The following USP4 variants were observed in gnomAD, a reference collection of about 807,000 sequenced individuals.
USP4 encodes ubiquitin specific peptidase 4.
In USP4, 72 loss-of-function variants were observed where a neutral mutation model predicts 118.2. The observed-to-expected ratio is 0.61, with a 90% CI of 0.50 to 0.74. USP4 has a LOEUF of 0.74. Among genes scored for constraint, USP4 ranks in the 30% least tolerant of loss-of-function variants. The pLI is 0.00. For missense variants in USP4, 1,037 were observed against 1,185.7 expected (o/e 0.87, Z 1.84); for synonymous variants, 415 against 440.4 (o/e 0.94, Z 0.72).
chr3:49,336,819 G>T (rs530464852), intron 1 of USP4, among the ~76,000 whole-genome samples: 2 of 152,110 alleles, frequency 1.3e-5, no homozygotes, highest in African/African-American at 4.8e-5. Context: ...ACCGCACCCG[G>T]CCACAAGTCA....
At chr3:49,292,627 A>C in intron 14 of USP4, 29 bp from the exon 15 acceptor site, 1 of 1,464,656 alleles carries the variant, frequency 6.8e-7, no homozygotes, top group Non-Finnish European at 9.2e-7. Context: ...AGAAGAAAAA[A>C]AAGATTGTTA....
Position 49,280,860 on chromosome 3 carries a change from C to A in USP4, c.2541-13G>T. The A allele has an allele frequency of 6.2e-7, 1 of 1,611,456 alleles. No homozygotes were observed. Among genetic ancestry groups the A allele is most frequent in the Non-Finnish European group, 8.5e-7 (1 of 1,178,076 alleles). ...CATGTTCAGCCCTCTGAGCACAAAA[C>A]ACAAAAATAGTTATTGAATATGTTA... On this transcript the variant is annotated splice_polypyrimidine_tract_variant and intron_variant, in intron 19 of 21. Transcript: ENST00000265560.
At chr3:49,317,582 C>T (rs1559476048) in intron 6 of USP4, 2 of 601,208 alleles carry the variant, frequency 3.3e-6, no homozygotes, top group African/African-American at 1.9e-5. Context: ...TACTCTGTTG[C>T]CCAGCCTGGA....
chr3:49,304,870 TCTC>T (rs1272663281), intron 9 of USP4, among the ~76,000 whole-genome samples: 2 of 151,682 alleles, frequency 1.3e-5, no homozygotes, highest in Non-Finnish European at 2.9e-5. Flanking sequence ...TTCAAGCAAT[TCTC>T]CTGCCTCAGC....
intron 6 of USP4, among the ~76,000 whole-genome samples, chr3:49,320,013 C>T (rs2047482520): frequency 1.3e-5 from 2 of 151,812 alleles, no homozygotes; most frequent in South Asian, 2.1e-4. Flanking sequence ...AACTCCTGTG[C>T]TCAAGGGATC....
chr3:49,281,491 T>TATATACAC (rs1242949530), intron 19 of USP4, among the ~76,000 whole-genome samples: 83 of 126,538 alleles, frequency 6.6e-4, no homozygotes, highest in African/African-American at 2.4e-3. Context: ...TATATATATA[T>TATATACAC]ACACACACAC....
chr3:49,286,858 C>CTATG (rs1342724640), intron 15 of USP4, among the ~76,000 whole-genome samples: 2 of 150,614 alleles, frequency 1.3e-5, no homozygotes, highest in African/African-American at 4.9e-5. Flanking sequence ...ATCTATCTAT[C>CTATG]TATCTATCTG....
At chr3:49,290,106 C>T (rs1258322650) in intron 15 of USP4, among the ~76,000 whole-genome samples, 1 of 151,926 alleles carries the variant, frequency 6.6e-6, no homozygotes, top group Non-Finnish European at 1.5e-5. Flanking sequence ...ATATTCAACC[C>T]TAAAATACCA....
intron 15 of USP4, among the ~76,000 whole-genome samples, chr3:49,288,307 C>T (rs940507204): frequency 2.0e-5 from 3 of 152,240 alleles, no homozygotes; most frequent in African/African-American, 7.2e-5. Flanking sequence ...TCTGTCCTGG[C>T]CCATGCCACT....
chr3:49,322,964 AAC>A (rs1455323933), intron 6 of USP4, among the ~76,000 whole-genome samples: 1 of 151,534 alleles, frequency 6.6e-6, no homozygotes, highest in African/African-American at 2.4e-5. Flanking sequence ...CTCACTGGTG[AAC>A]AGACATTCTT....
chr3:49,286,420 A>G (rs571235422), intron 15 of USP4, 95 bp from the exon 16 acceptor site: 107 of 1,277,880 alleles, frequency 8.4e-5, no homozygotes, highest in Middle Eastern at 3.8e-4. Context: ...TTCCTTCCAG[A>G]TTTTGTTCTG....
intron 11 of USP4, among the ~76,000 whole-genome samples, chr3:49,300,161 G>A (rs546696006): frequency 2.0e-5 from 3 of 151,918 alleles, no homozygotes; most frequent in Non-Finnish European, 4.4e-5. Context: ...TAGGAGAATC[G>A]CTTGAACCTG....
chr3:49,327,886 T>G, intron 2 of USP4, 70 bp from the exon 3 acceptor site: 1 of 1,430,654 alleles, frequency 7.0e-7, no homozygotes, highest in Non-Finnish European at 9.6e-7. Context: ...ATGATTTCCA[T>G]GTACTTTTCA....
chr3:49,277,401 A>G lies in USP4; in HGVS notation c.*892T>C, dbSNP rs56699238. ...GGCCCCGGGAAGAGTCTTGGCAGGG[A>G]TGAGGAAAGAACCCGTTCTAGAAAG... On this transcript the variant is annotated 3_prime_UTR_variant, in exon 22 of 22. Coordinates refer to ENST00000265560, the MANE Select transcript of USP4 (RefSeq NM_003363.4). 26 of 374,206 alleles carry G rather than the reference A, an allele frequency of 6.9e-5. No individual in the cohort carries two copies. The highest frequency in any genetic ancestry group is 1.2e-4 in the Non-Finnish European group (25 of 205,188). 23.2% of individuals were successfully genotyped at this position (374,206 alleles called of 1,614,324 possible).
chr3:49,327,514 C>T (rs1367149267), intron 3 of USP4, among the ~76,000 whole-genome samples, 172 bp downstream of exon 3: 2 of 151,880 alleles, frequency 1.3e-5, no homozygotes, highest in African/African-American at 2.4e-5. Context: ...CCAGCCTGGG[C>T]GACAAGTGCA....
At chr3:49,332,695 CAA>C (rs1475663768) in intron 2 of USP4, among the ~76,000 whole-genome samples, 1 of 151,306 alleles carries the variant, frequency 6.6e-6, no homozygotes. Flanking sequence ...GACTCTGTCT[CAA>C]AAAAATAATA....
chr3:49,282,627 C>G (rs2047045135), intron 19 of USP4, among the ~76,000 whole-genome samples: 2 of 151,964 alleles, frequency 1.3e-5, no homozygotes, highest in African/African-American at 4.8e-5. Flanking sequence ...CCTGGCGTCT[C>G]CTGCTGACAT....
intron 15 of USP4, among the ~76,000 whole-genome samples, chr3:49,291,530 C>T (rs1271700372): frequency 1.0e-4 from 15 of 147,608 alleles, no homozygotes; most frequent in Non-Finnish European, 1.6e-4. Flanking sequence ...GCCAAGATCG[C>T]GCCACTGCGC....
chr3:49,291,726 C>T (rs1436524640), intron 15 of USP4, among the ~76,000 whole-genome samples: 1 of 151,906 alleles, frequency 6.6e-6, no homozygotes, highest in Admixed American at 6.6e-5. Context: ...CACCTGTAAT[C>T]CTAGCCCTCT....
Sources: allele counts gnomAD v4.1 joint callset (sites outside exome capture counted in the v4.1 genomes callset), GRCh38; gene constraint gnomAD v4.1.1; transcripts MANE v1.5; gene names NCBI Gene and HGNC (gene_info 2026-07-23, HGNC 2026-07-21).